The following PRH1 variants were observed in gnomAD, a reference collection of about 807,000 sequenced individuals.
The protein encoded by PRH1 is proline rich protein HaeIII subfamily 1.
PRH1 carries 7 observed loss-of-function variants against 7.9 expected under a neutral mutation model. The ratio of observed to expected loss-of-function variants is 0.89; its 90% confidence interval spans 0.50 to 1.67. The LOEUF (loss-of-function observed/expected upper bound fraction) is 1.67. PRH1 is among the 40% of genes most tolerant of loss of function. The pLI is 0.00. For missense variants in PRH1, 109 were observed against 223.6 expected, an observed-to-expected ratio of 0.49 and a Z score of 3.27; for synonymous variants, 45 against 80.8, an observed-to-expected ratio of 0.56 and a Z score of 2.38.
intron 1 of PRH1, among the ~76,000 whole-genome samples, chr12:10,989,955 T>A (rs1565527309): frequency 6.6e-6 from 1 of 152,220 alleles, no homozygotes; most frequent in Non-Finnish European, 1.5e-5. Context: ...TAATTGGTTT[T>A]AGTTATCTCA....
chr12:11,108,473 C>T (rs1202803511), intron 1 of PRH1, among the ~76,000 whole-genome samples: 1 of 152,126 alleles, frequency 6.6e-6, no homozygotes, highest in African/African-American at 2.4e-5. Flanking sequence ...TTACATGGCT[C>T]ATCTCACTGG....
intron 1 of PRH1, among the ~76,000 whole-genome samples, chr12:11,164,804 T>C (rs930076930): frequency 2.6e-5 from 4 of 152,196 alleles, no homozygotes; most frequent in Admixed American, 1.3e-4. Context: ...TTATAAATTA[T>C]ATGAAAAACC....
At chr12:11,147,089 C>T (rs1188673802) in intron 1 of PRH1, among the ~76,000 whole-genome samples, 3 of 152,118 alleles carry the variant, frequency 2.0e-5, no homozygotes, top group Non-Finnish European at 2.9e-5. Flanking sequence ...ACAATTTTCA[C>T]AAAACTTTAA....
chr12:11,066,628 GAGATAGA>G (rs1943829932), intron 1 of PRH1, among the ~76,000 whole-genome samples: 2 of 121,430 alleles, frequency 1.6e-5, no homozygotes, highest in African/African-American at 2.9e-5. Flanking sequence ...ATCATTTAAT[GAGATAGA>G]TGTATATATA....
chr12:11,073,215 T>A (rs1944155565), intron 1 of PRH1, among the ~76,000 whole-genome samples: 1 of 121,520 alleles, frequency 8.2e-6, no homozygotes, highest in East Asian at 2.0e-4. Context: ...CACTGCAAAC[T>A]TCGCCTCCTG....
At chr12:11,051,926 G>A (rs540754506), upstream of PRH1, among the ~76,000 whole-genome samples, 1 of 110,584 alleles carries the variant, frequency 9.0e-6, no homozygotes, top group East Asian at 3.0e-4. Context: ...TGAGCTGTTA[G>A]AATAATTCTA....
At chr12:11,099,222 G>C (rs902191573) in intron 1 of PRH1, among the ~76,000 whole-genome samples, 1 of 152,084 alleles carries the variant, frequency 6.6e-6, no homozygotes, top group Non-Finnish European at 1.5e-5. Flanking sequence ...ATAGAGATTT[G>C]AGATGGCTTC....
At chr12:11,017,920 G>T (rs1363190377) in intron 1 of PRH1, among the ~76,000 whole-genome samples, 1 of 152,180 alleles carries the variant, frequency 6.6e-6, no homozygotes, top group Non-Finnish European at 1.5e-5. Flanking sequence ...TTGCTCTGAT[G>T]TGTTAATAAA....
At chr12:10,987,840 C>A (rs1192887541) in intron 1 of PRH1, among the ~76,000 whole-genome samples, 3 of 152,058 alleles carry the variant, frequency 2.0e-5, no homozygotes, top group African/African-American at 7.3e-5. Flanking sequence ...GAGTACCACA[C>A]CCTATGACAC....
chr12:11,137,543 T>C (rs1946590625), intron 1 of PRH1, among the ~76,000 whole-genome samples: 1 of 152,232 alleles, frequency 6.6e-6, no homozygotes. Context: ...ATGTGCTATT[T>C]GCTTTGTCTT....
intron 2 of PRH1, among the ~76,000 whole-genome samples, chr12:10,912,098 G>C (rs954747891): frequency 6.6e-6 from 1 of 152,056 alleles, no homozygotes; most frequent in East Asian, 1.9e-4. Context: ...AATTAATCAT[G>C]TTGCATATAG....
chr12:11,091,197 T>C (rs1300352415), intron 1 of PRH1: 1 of 960,006 alleles, frequency 1.0e-6, no homozygotes, highest in African/African-American at 1.9e-5. Flanking sequence ...TTGGAAATTA[T>C]TCATACACAT....
At chr12:11,127,981 G>A (rs1381268046) in intron 1 of PRH1, among the ~76,000 whole-genome samples, 3 of 151,838 alleles carry the variant, frequency 2.0e-5, no homozygotes, top group African/African-American at 4.8e-5. Flanking sequence ...ATGGTGGCAG[G>A]CGCCTGTAGT....
chr12:11,143,038 G>C (rs908644813), intron 1 of PRH1, among the ~76,000 whole-genome samples: 1 of 152,032 alleles, frequency 6.6e-6, no homozygotes, highest in Admixed American at 6.6e-5. Flanking sequence ...TAAGGAGACA[G>C]AAAAACACAG....
At chr12:10,921,036 T>A (rs1402991284) in intron 2 of PRH1, among the ~76,000 whole-genome samples, 2 of 152,104 alleles carry the variant, frequency 1.3e-5, no homozygotes, top group African/African-American at 4.8e-5. Flanking sequence ...TTAGAATGAA[T>A]CTTTTCATTT....
intron 1 of PRH1, among the ~76,000 whole-genome samples, chr12:11,168,300 G>GA (rs1157375176): frequency 5.3e-5 from 2 of 37,780 alleles, no homozygotes; most frequent in African/African-American, 1.4e-4. Context: ...AAGAAAGAAA[G>GA]AAGGAAGGAA....
intron 1 of PRH1, among the ~76,000 whole-genome samples, chr12:11,131,982 T>C (rs1474757893): frequency 6.6e-6 from 1 of 152,212 alleles, no homozygotes; most frequent in Admixed American, 6.5e-5. Flanking sequence ...ACACGATCTC[T>C]TCTTTTATGG....
chr12:11,148,500 T>G (rs1164821236), intron 1 of PRH1, among the ~76,000 whole-genome samples: 1 of 146,992 alleles, frequency 6.8e-6, no homozygotes, highest in Non-Finnish European at 1.5e-5. Flanking sequence ...AGCGTGAAGG[T>G]TGTTGAATTT....
chr12:10,984,739 A>G (rs1052700495), intron 1 of PRH1, among the ~76,000 whole-genome samples: 2 of 152,094 alleles, frequency 1.3e-5, no homozygotes, highest in Non-Finnish European at 2.9e-5. Context: ...ATAGAATTTA[A>G]TTGTTTAATG....
Sources: gnomAD v4.1 joint callset for allele counts (sites outside exome capture counted in the v4.1 genomes callset) on GRCh38, gnomAD v4.1.1 for gene constraint, MANE v1.5 for transcripts, NCBI Gene and HGNC (gene_info 2026-07-23, HGNC 2026-07-21) for gene names.